COL6A5: variants seen among roughly 807,000 people sequenced by gnomAD.
The protein encoded by COL6A5 is collagen alpha-5(VI) chain.
Under a neutral mutation model 65.6 loss-of-function variants are expected in COL6A5, and 48 were observed. The observed-to-expected ratio is 0.73, with a 90% CI of 0.58 to 0.93. COL6A5 has a LOEUF of 0.93. Ranked by LOEUF, COL6A5 falls within the 40% of genes least tolerant of loss-of-function variation. The pLI, the probability that COL6A5 is intolerant of heterozygous loss-of-function variation, is 0.00. For missense variants in COL6A5, 914 were observed against 928.3 expected (o/e 0.98, Z 0.20); for synonymous variants, 291 against 322.8 (o/e 0.90, Z 1.05).
intron 7 of COL6A5, chr3:130,477,151 T>A: frequency 8.4e-7 from 1 of 1,193,972 alleles, no homozygotes; most frequent in Non-Finnish European, 1.2e-6. Flanking sequence ...TAAGTTTACC[T>A]TAAAGTTAGG....
chr3:130,462,095 C>A (rs987911967), intron 5 of COL6A5, among the ~76,000 whole-genome samples: 14 of 152,062 alleles, frequency 9.2e-5, no homozygotes, highest in Non-Finnish European at 2.1e-4. Flanking sequence ...AAGAGGACTT[C>A]AAACAGCAAA....
intron 4 of COL6A5, among the ~76,000 whole-genome samples, chr3:130,383,948 A>G (rs1936092872): frequency 6.6e-6 from 1 of 152,102 alleles, no homozygotes; most frequent in South Asian, 2.1e-4. Context: ...CATGGATTAC[A>G]TTCTGTGGTA....
At chr3:130,376,904 C>T in intron 3 of COL6A5, 68 bp downstream of exon 3, 1 of 1,446,378 alleles carries the variant, frequency 6.9e-7, no homozygotes, top group Non-Finnish European at 9.2e-7. Context: ...ACTCTCACCT[C>T]TTGCAACTCA....
intron 3 of COL6A5, among the ~76,000 whole-genome samples, chr3:130,378,346 C>T (rs950475680): frequency 2.0e-5 from 3 of 152,132 alleles, no homozygotes; most frequent in Admixed American, 1.3e-4. Context: ...TTCACCACTT[C>T]CTCTTTTGTT....
chr3:130,370,296 C>A (rs1166648985), intron 1 of COL6A5, among the ~76,000 whole-genome samples: 1 of 152,138 alleles, frequency 6.6e-6, no homozygotes, highest in Non-Finnish European at 1.5e-5. Context: ...AAATTTAGCA[C>A]TGCCTGCTGA....
intron 5 of COL6A5, among the ~76,000 whole-genome samples, chr3:130,466,087 A>C (rs1250531474): frequency 6.6e-6 from 1 of 152,104 alleles, no homozygotes; most frequent in Non-Finnish European, 1.5e-5. Context: ...AATCAGCAGG[A>C]ATATAGTAGG....
At chr3:130,396,222 AAC>A (rs1468670316) in intron 8 of COL6A5, among the ~76,000 whole-genome samples, 2 of 152,240 alleles carry the variant, frequency 1.3e-5, no homozygotes, top group Non-Finnish European at 1.5e-5. Context: ...AGCAAATGAT[AAC>A]AGTTTGTGGA....
chr3:130,421,585 A>G (rs1414031684), intron 27 of COL6A5, among the ~76,000 whole-genome samples: 1 of 151,806 alleles, frequency 6.6e-6, no homozygotes, highest in East Asian at 1.9e-4. Context: ...TTGAAAGCCT[A>G]CCTCCAGGTA....
In COL6A5 at chr3:130,347,794, C is replaced by CA. The variant is rs1577412827; in HGVS notation, c.-29+1814dup. On this transcript the variant is annotated intron_variant and NMD_transcript_variant, in intron 1 of 41. Transcript: ENST00000312481. ...GGAATGTGTACTTTTCTTGGTATTG[C>CA]AGTTTGCTTTGATGATGCCCCTGTC... Among the ~76,000 whole-genome samples, 5 of 152,232 alleles carry CA rather than the reference C, an allele frequency of 3.3e-5. No individual in the cohort carries two copies. In the East Asian group the frequency reaches 9.6e-4, roughly 29 times the overall value.
upstream of COL6A5, among the ~76,000 whole-genome samples, chr3:130,428,623 G>A (rs984871871): frequency 4.6e-5 from 7 of 152,104 alleles, no homozygotes; most frequent in African/African-American, 1.4e-4. Context: ...CTGCTTCTAC[G>A]ACCTGTGCTT....
At chr3:130,452,630 A>C (rs1322414841) in intron 4 of COL6A5, among the ~76,000 whole-genome samples, 1 of 152,174 alleles carries the variant, frequency 6.6e-6, no homozygotes, top group Non-Finnish European at 1.5e-5. Flanking sequence ...AGATCACAGG[A>C]CCACAGGACT....
chr3:130,454,986 A>T (rs989872721), intron 4 of COL6A5, among the ~76,000 whole-genome samples: 1 of 152,034 alleles, frequency 6.6e-6, no homozygotes, highest in Admixed American at 6.6e-5. Context: ...ACAAAAAATT[A>T]AAAATTAGCC....
intron 7 of COL6A5, among the ~76,000 whole-genome samples, chr3:130,475,631 G>A (rs1710074457): frequency 6.6e-6 from 1 of 152,218 alleles, no homozygotes; most frequent in Admixed American, 6.6e-5. Context: ...ATATGTGACA[G>A]CCAGGGAGTT....
At chr3:130,453,320 A>G (rs1416321387) in intron 4 of COL6A5, among the ~76,000 whole-genome samples, 1 of 152,156 alleles carries the variant, frequency 6.6e-6, no homozygotes, top group Non-Finnish European at 1.5e-5. Context: ...GAACTAATAA[A>G]TGTCCATAAA....
chr3:130,403,678 T>A lies in COL6A5; in HGVS notation c.4281+16T>A. ...TGGAAACCCTGTAAGTTTTTATTAC[T>A]CCCCCTCACCCCCTGTTGCACACAC... On this transcript the variant is annotated intron_variant and NMD_transcript_variant, in intron 13 of 41. Transcript: ENST00000312481. 6.5e-7 allele frequency: 1 copy of A among 1,545,108 alleles called. No individual in the cohort carries two copies. Among genetic ancestry groups the A allele is most frequent in the Non-Finnish European group, 8.8e-7 (1 of 1,142,214 alleles).
chr3:130,397,564 CTG>C lies in COL6A5; in HGVS notation c.3569-17_3569-16del. ...TCCTGTCTACTCGTTAATCTTGACT[CTG>C]TTCCCTTGGTTTCTAGATTGCTTTA... On this transcript the variant is annotated splice_polypyrimidine_tract_variant and intron_variant and NMD_transcript_variant, in intron 8 of 41. Transcript: ENST00000312481. The C allele has an allele frequency of 1.3e-6, 2 of 1,526,408 alleles. No individual in the cohort carries two copies. 94.6% of individuals were successfully genotyped at this position (1,526,408 alleles called of 1,614,324 possible).
exon 8 of COL6A5, chr3:130,395,348 C>G (rs1936557876): frequency 6.5e-7 from 1 of 1,549,424 alleles, no homozygotes. Flanking sequence ...GGAACATCTC[C>G]TGCCAATAAC....
upstream of COL6A5, among the ~76,000 whole-genome samples, chr3:130,426,605 A>C (rs1260224973): frequency 2.0e-5 from 3 of 152,162 alleles, no homozygotes; most frequent in Non-Finnish European, 4.4e-5. Flanking sequence ...GCCTTCGCTC[A>C]TGAGGGGCAA....
intron 24 of COL6A5, among the ~76,000 whole-genome samples, chr3:130,417,403 T>C (rs1026846130): frequency 2.6e-5 from 4 of 152,186 alleles, no homozygotes; most frequent in African/African-American, 9.6e-5. Context: ...TCCACTAATA[T>C]GTACTCTTCC....
Sources: gnomAD v4.1 joint callset for allele counts (sites outside exome capture counted in the v4.1 genomes callset) on GRCh38, gnomAD v4.1.1 for gene constraint, MANE v1.5 for transcripts, NCBI Gene and HGNC (gene_info 2026-07-23, HGNC 2026-07-21) for gene names.